Variants in KCNQ5 observed in about 807,000 individuals in gnomAD.
KCNQ5 encodes potassium voltage-gated channel subfamily Q member 5.
A neutral mutation model predicts 98.2 loss-of-function variants in KCNQ5; 30 were observed. The ratio of observed to expected loss-of-function variants is 0.31; its 90% CI spans 0.23 to 0.41. KCNQ5 has a LOEUF of 0.41. KCNQ5 is among the 10% of genes least tolerant of loss of function. The probability of loss-of-function intolerance (pLI) is 1.00; values close to 1 mark genes in which losing one functional copy is unlikely to be tolerated. For synonymous variants in KCNQ5, 458 were observed against 449.4 expected, an observed-to-expected ratio of 1.02 and a Z score of -0.24; for missense variants, 835 against 1,182.5, an observed-to-expected ratio of 0.71 and a Z score of 4.31.
At chr6:73,039,596 T>C (rs1181174691) in intron 2 of KCNQ5, among the ~76,000 whole-genome samples, 1 of 152,196 alleles carries the variant, frequency 6.6e-6, no homozygotes, top group Non-Finnish European at 1.5e-5. Context: ...GGGAATATTG[T>C]TTAATTTCCA....
intron 2 of KCNQ5, among the ~76,000 whole-genome samples, chr6:73,034,013 T>C (rs1449226674): frequency 1.3e-5 from 2 of 152,234 alleles, no homozygotes; most frequent in Non-Finnish European, 2.9e-5. Context: ...TTTTCTGCTC[T>C]CCAAAGAGAC....
chr6:73,005,085 G>A (rs960115707), intron 2 of KCNQ5, among the ~76,000 whole-genome samples: 3 of 152,172 alleles, frequency 2.0e-5, no homozygotes, highest in African/African-American at 7.2e-5. Flanking sequence ...ATATCAGGGA[G>A]ACCTCATTTT....
At chr6:72,683,784 A>G (rs926907711) in intron 1 of KCNQ5, among the ~76,000 whole-genome samples, 1 of 151,944 alleles carries the variant, frequency 6.6e-6, no homozygotes, top group Non-Finnish European at 1.5e-5. Flanking sequence ...CATTTGTGTA[A>G]CTGCTTACCA....
At chr6:72,905,754 A>G (rs1036519763) in intron 1 of KCNQ5, among the ~76,000 whole-genome samples, 1 of 152,166 alleles carries the variant, frequency 6.6e-6, no homozygotes. Flanking sequence ...TGAACCATCT[A>G]TGGGACTCTC....
intron 1 of KCNQ5, among the ~76,000 whole-genome samples, chr6:72,818,256 A>T (rs1048489583): frequency 1.1e-4 from 16 of 152,190 alleles, no homozygotes; most frequent in African/African-American, 3.9e-4. Flanking sequence ...TGTTAATGTC[A>T]TCATGGTTTT....
chr6:72,773,030 C>T (rs1170489050), intron 1 of KCNQ5, among the ~76,000 whole-genome samples: 1 of 152,034 alleles, frequency 6.6e-6, no homozygotes, highest in South Asian at 2.1e-4. Flanking sequence ...ATCAGTGTTG[C>T]CCCTTGTAAA....
chr6:72,622,480 G>T lies in KCNQ5; in HGVS notation c.291G>T (p.Thr97=). The change falls in exon 1 of 14, where the codon ACG becomes ACT. Residue 97 remains threonine, a synonymous_variant. Coordinates refer to ENST00000370398, the MANE Select transcript of KCNQ5 (RefSeq NM_019842.4). This position sits in a 1 kb window ranked among gnomAD's most constrained non-coding sequence, Gnocchi z 6.0. ...MSLLGKPLSY[T]SSQSCRRNVK... is the part of the protein sequence containing the mutation. ...TGCTGGGGAAGCCGCTCTCTTACAC[G>T]AGTAGCCAGAGCTGCCGGCGCAACG... The T allele has an allele frequency of 6.2e-7, 1 of 1,606,972 alleles. No individual in the cohort carries two copies. The highest frequency in any genetic ancestry group is 8.5e-7 in the Non-Finnish European group (1 of 1,177,098).
chr6:72,973,428 A>G (rs1270766762), intron 1 of KCNQ5, among the ~76,000 whole-genome samples: 1 of 151,906 alleles, frequency 6.6e-6, no homozygotes. Flanking sequence ...TACTGGAGGG[A>G]AAGGATTTTG....
chr6:73,092,614 C>A (rs773737878), intron 5 of KCNQ5, among the ~76,000 whole-genome samples: 1 of 151,938 alleles, frequency 6.6e-6, no homozygotes, highest in Non-Finnish European at 1.5e-5. Context: ...AGAGTTTTAA[C>A]GATAAAGGAA....
chr6:72,927,228 A>C (rs1238139001), intron 1 of KCNQ5, among the ~76,000 whole-genome samples: 2 of 152,148 alleles, frequency 1.3e-5, no homozygotes, highest in African/African-American at 4.8e-5. Context: ...AAGTTTTACA[A>C]CCCGAATTCT....
At chr6:72,965,879 A>AATAT (rs1767585635) in intron 1 of KCNQ5, among the ~76,000 whole-genome samples, 1 of 152,186 alleles carries the variant, frequency 6.6e-6, no homozygotes. Flanking sequence ...TACCTGGAAT[A>AATAT]ATATTGTCAT....
At chr6:72,799,700 C>A (rs1353575390) in intron 1 of KCNQ5, among the ~76,000 whole-genome samples, 2 of 152,188 alleles carry the variant, frequency 1.3e-5, no homozygotes, top group Non-Finnish European at 2.9e-5. Flanking sequence ...GAAACTGGTT[C>A]TTGGCATCAT....
At chr6:73,169,117 G>T (rs1777908773) in intron 10 of KCNQ5, among the ~76,000 whole-genome samples, 1 of 152,136 alleles carries the variant, frequency 6.6e-6, no homozygotes, top group Non-Finnish European at 1.5e-5. Flanking sequence ...TAACCCTGCT[G>T]CCTTCCCCAA....
At chr6:72,811,593 C>T (rs926430915) in intron 1 of KCNQ5, among the ~76,000 whole-genome samples, 1 of 152,112 alleles carries the variant, frequency 6.6e-6, no homozygotes, top group African/African-American at 2.4e-5. Flanking sequence ...TTCTATACTC[C>T]TATAGCTCTG....
At chr6:73,045,705 T>C (rs1041052746) in intron 3 of KCNQ5, among the ~76,000 whole-genome samples, 7 of 152,200 alleles carry the variant, frequency 4.6e-5, no homozygotes, top group African/African-American at 1.2e-4. Flanking sequence ...AAATTGCAAA[T>C]AGACCTAAGG....
rs193088549 is a variant in KCNQ5 at position 73,114,875 on chromosome 6, A to G, written c.1125+3472A>G. Among the ~76,000 whole-genome samples the G allele has an allele frequency of 3.8e-3, 583 of 152,312 alleles. 4 individuals are homozygous for G. Among genetic ancestry groups the G allele is most frequent in the Middle Eastern group, 6.8e-3 (2 of 294 alleles). On this transcript the variant is annotated intron_variant, in intron 7 of 13. Transcript: ENST00000370398. Reference sequence around the variant, plus strand: ...CAACTGACCCAAAAGAAAAATATATATATTTGTCTTGAAACTTTGGCTTCC... The same window carrying G: ...CAACTGACCCAAAAGAAAAATATATGTATTTGTCTTGAAACTTTGGCTTCC...
intron 1 of KCNQ5, among the ~76,000 whole-genome samples, chr6:72,867,464 G>A (rs1456156199): frequency 6.6e-6 from 1 of 152,226 alleles, no homozygotes; most frequent in Non-Finnish European, 1.5e-5. Flanking sequence ...CATTAGTGCT[G>A]TGTGTGTTTA....
intron 1 of KCNQ5, among the ~76,000 whole-genome samples, chr6:72,886,373 A>G (rs1211946025): frequency 1.3e-5 from 2 of 152,168 alleles, no homozygotes; most frequent in African/African-American, 2.4e-5. Flanking sequence ...TGAAGAGAGA[A>G]CTAGTAAAGT....
chr6:73,088,960 T>C (rs1774114112), intron 5 of KCNQ5, among the ~76,000 whole-genome samples: 1 of 152,220 alleles, frequency 6.6e-6, no homozygotes. Flanking sequence ...ATCTCTCCTG[T>C]ACATTTGCTG....
Sources: allele counts gnomAD v4.1 joint callset (sites outside exome capture counted in the v4.1 genomes callset), GRCh38; gene constraint gnomAD v4.1.1; non-coding constraint Gnocchi (gnomAD v3.1); transcripts MANE v1.5; gene names NCBI Gene and HGNC (gene_info 2026-07-23, HGNC 2026-07-21).